The following ANO10 variants were observed in gnomAD, a reference collection of about 807,000 sequenced individuals.
ANO10 encodes anoctamin 10.
In ANO10, 77 loss-of-function variants were observed where a neutral mutation model predicts 74.7. The observed-to-expected ratio is 1.03, with a 90% CI of 0.86 to 1.25. ANO10 has a LOEUF of 1.25. ANO10 is among the 50% of genes most tolerant of loss of function. The pLI is 0.00. For synonymous variants in ANO10, 279 were observed against 284.9 expected (o/e 0.98, Z 0.21); for missense variants, 721 against 778.1 (o/e 0.93, Z 0.87).
chr3:43,424,415 GA>G (rs1251750250), intron 12 of ANO10: 1 of 152,214 alleles, frequency 6.6e-6, no homozygotes, highest in Non-Finnish European at 1.5e-5. Flanking sequence ...CTGGGAGCCA[GA>G]CCACCTTTAT....
At chr3:43,564,810 A>G (rs1234341298) in intron 8 of ANO10, among the ~76,000 whole-genome samples, 1 of 152,158 alleles carries the variant, frequency 6.6e-6, no homozygotes, top group Admixed American at 6.5e-5. Flanking sequence ...GAATGTTTCC[A>G]TCACACCCCA....
intron 11 of ANO10, among the ~76,000 whole-genome samples, chr3:43,493,099 A>G (rs998663901): frequency 6.6e-6 from 1 of 152,252 alleles, no homozygotes; most frequent in Non-Finnish European, 1.5e-5. Flanking sequence ...ATGGAATACT[A>G]TGCAGCCATA....
chr3:43,372,789 G>A, intron 12 of ANO10: 1 of 1,509,932 alleles, frequency 6.6e-7, no homozygotes, highest in Non-Finnish European at 8.9e-7. Flanking sequence ...GACAGTGCCT[G>A]GCACTGAGTT....
chr3:43,390,498 A>C (rs1157850625), intron 12 of ANO10, among the ~76,000 whole-genome samples: 2 of 152,216 alleles, frequency 1.3e-5, no homozygotes, highest in Admixed American at 1.3e-4. Context: ...CACTCTTTGA[A>C]GGCACAGTTC....
intron 11 of ANO10, among the ~76,000 whole-genome samples, chr3:43,547,321 G>A (rs925447536): frequency 2.6e-5 from 4 of 152,270 alleles, no homozygotes; most frequent in African/African-American, 9.6e-5. Context: ...AAAGGAAAAT[G>A]CATTTGTTTC....
intron 11 of ANO10, among the ~76,000 whole-genome samples, chr3:43,459,286 A>G (rs2075277594): frequency 6.6e-6 from 1 of 152,170 alleles, no homozygotes; most frequent in African/African-American, 2.4e-5. Context: ...TTGAAGGAAA[A>G]GGACCAGTCA....
At chr3:43,371,839 C>T (rs2091622991) in intron 12 of ANO10, among the ~76,000 whole-genome samples, 2 of 152,142 alleles carry the variant, frequency 1.3e-5, no homozygotes, top group South Asian at 4.1e-4. Context: ...TTCTGAAGCA[C>T]CTATTTTCAC....
At chr3:43,462,626 G>C (rs1236017764) in intron 11 of ANO10, among the ~76,000 whole-genome samples, 1 of 152,218 alleles carries the variant, frequency 6.6e-6, no homozygotes. Context: ...TTTCTGAGGA[G>C]AAATTCAAGC....
intron 12 of ANO10, among the ~76,000 whole-genome samples, chr3:43,406,069 G>A (rs942056183): frequency 2.6e-5 from 4 of 152,154 alleles, no homozygotes; most frequent in African/African-American, 9.7e-5. Flanking sequence ...TATGAAAGCA[G>A]GCTAACCACA....
chr3:43,426,946 T>G (rs1273828741), intron 12 of ANO10, among the ~76,000 whole-genome samples: 1 of 152,200 alleles, frequency 6.6e-6, no homozygotes, highest in Non-Finnish European at 1.5e-5. Context: ...TTCAGTACAT[T>G]TCCTTCCCAC....
At chr3:43,595,847 G>A (rs1477714599) in intron 4 of ANO10, among the ~76,000 whole-genome samples, 1 of 152,160 alleles carries the variant, frequency 6.6e-6, no homozygotes, top group Non-Finnish European at 1.5e-5. Context: ...TAACATGACT[G>A]TATATTTAGA....
intron 12 of ANO10, among the ~76,000 whole-genome samples, chr3:43,399,872 T>C (rs1345057102): frequency 6.6e-6 from 1 of 152,110 alleles, no homozygotes; most frequent in Non-Finnish European, 1.5e-5. Flanking sequence ...AGATCCCTCA[T>C]AGTTCCAAAG....
At chr3:43,378,376 C>T (rs913514989) in intron 12 of ANO10, among the ~76,000 whole-genome samples, 5 of 152,170 alleles carry the variant, frequency 3.3e-5, no homozygotes, top group African/African-American at 1.2e-4. Context: ...TTAAGAAACA[C>T]TAAGGCCATC....
chr3:43,465,869 A>G (rs1225836242), intron 11 of ANO10, among the ~76,000 whole-genome samples: 1 of 152,222 alleles, frequency 6.6e-6, no homozygotes, highest in Non-Finnish European at 1.5e-5. Context: ...AGATATACAA[A>G]GTTCATGAAT....
intron 11 of ANO10, among the ~76,000 whole-genome samples, chr3:43,442,637 T>A (rs1486277908): frequency 1.3e-5 from 2 of 152,182 alleles, no homozygotes. Flanking sequence ...ATCTATAGAT[T>A]CAATGCAGTT....
intron 1 of ANO10, among the ~76,000 whole-genome samples, chr3:43,684,095 T>A (rs2084240934): frequency 6.6e-6 from 1 of 151,920 alleles, no homozygotes; most frequent in Non-Finnish European, 1.5e-5. Flanking sequence ...CTAGTTAAAC[T>A]AAAGAGCTTC....
chr3:43,379,814 C>A (rs1575607493), intron 12 of ANO10, among the ~76,000 whole-genome samples: 1 of 152,138 alleles, frequency 6.6e-6, no homozygotes, highest in African/African-American at 2.4e-5. Context: ...AGCTCACCAG[C>A]AATGGATCCA....
intron 7 of ANO10, among the ~76,000 whole-genome samples, chr3:43,569,000 G>A (rs1204524793): frequency 1.3e-4 from 16 of 126,534 alleles, no homozygotes; most frequent in South Asian, 5.2e-4. Flanking sequence ...ATGATAAAGG[G>A]GATATCACCA....
chr3:43,689,013 G>A (rs1224932924), intron 1 of ANO10, among the ~76,000 whole-genome samples: 1 of 152,156 alleles, frequency 6.6e-6, no homozygotes, highest in Non-Finnish European at 1.5e-5. Context: ...CATCTTACAT[G>A]ACTAGAGCAG....
Sources: gnomAD v4.1 joint callset for allele counts (sites outside exome capture counted in the v4.1 genomes callset) on GRCh38, gnomAD v4.1.1 for gene constraint, MANE v1.5 for transcripts, NCBI Gene and HGNC (gene_info 2026-07-23, HGNC 2026-07-21) for gene names.